Variants in DUSP10 observed in about 807,000 individuals in gnomAD.
DUSP10 encodes the protein dual specificity protein phosphatase 10.
DUSP10 carries 14 observed loss-of-function variants against 30.8 expected under a neutral mutation model. That is an observed-to-expected ratio of 0.46 (90% confidence interval 0.30 to 0.71). The LOEUF (loss-of-function observed/expected upper bound fraction) is 0.71. Ranked by LOEUF, DUSP10 falls within the 30% of genes least tolerant of loss-of-function variation. The pLI, the probability that DUSP10 is intolerant of heterozygous loss-of-function variation, is 0.08. For synonymous variants in DUSP10, 254 were observed against 250.4 expected, an observed-to-expected ratio of 1.01 and a Z score of -0.14; for missense variants, 550 against 619.4, an observed-to-expected ratio of 0.89 and a Z score of 1.19.
At chr1:221,723,343 C>A (rs1429133264) in intron 2 of DUSP10, among the ~76,000 whole-genome samples, 1 of 152,244 alleles carries the variant, frequency 6.6e-6, no homozygotes, top group Non-Finnish European at 1.5e-5. Flanking sequence ...GCAAGTTAAG[C>A]TGCAGCACTT....
At chr1:221,710,810 C>T (rs1177423986) in intron 2 of DUSP10, among the ~76,000 whole-genome samples, 3 of 152,180 alleles carry the variant, frequency 2.0e-5, no homozygotes, top group Admixed American at 6.5e-5. Flanking sequence ...GAAAATAAAA[C>T]TGTTCTTCCC....
intron 2 of DUSP10, among the ~76,000 whole-genome samples, chr1:221,727,931 T>C (rs1661471076): frequency 6.6e-6 from 1 of 152,300 alleles, no homozygotes; most frequent in Non-Finnish European, 1.5e-5. Flanking sequence ...AACTTAATTG[T>C]CACTGTAGCA....
At position 221,701,769 on chromosome 1, in the gene DUSP10, T is replaced by C. The variant is rs927108011; in HGVS notation, c.*643A>G. On this transcript the variant is annotated 3_prime_UTR_variant, in exon 4 of 4. Coordinates refer to ENST00000366899, the MANE Select transcript of DUSP10 (RefSeq NM_007207.6). ...AGAAGCCAGTGAAGGCATATAATGG[T>C]CAGTTCCTCACTATTTCAAAAAAAA... 2.0e-5 allele frequency: 3 copies of C among 151,772 alleles called. No individual in the cohort carries two copies. In the East Asian group the frequency reaches 5.8e-4, roughly 29 times the overall value. 9.4% of individuals were successfully genotyped at this position (151,772 alleles called of 1,614,324 possible). A position where few individuals can be genotyped will look rare whatever the true frequency, so the allele number is the denominator to read the frequency against.
intron 2 of DUSP10, chr1:221,737,354 T>C (rs1301766494): frequency 5.1e-6 from 5 of 985,296 alleles, no homozygotes; most frequent in Non-Finnish European, 6.0e-6. Context: ...AAATGGGAAA[T>C]TCCTCGGTAG....
At chr1:221,731,600 CTTTTTT>C (rs917122714) in intron 2 of DUSP10, among the ~76,000 whole-genome samples, 1 of 119,236 alleles carries the variant, frequency 8.4e-6, no homozygotes. Context: ...TAGGCTATTT[CTTTTTT>C]TTTTTTTTTT....
intron 2 of DUSP10, among the ~76,000 whole-genome samples, chr1:221,719,142 C>T (rs557438918): frequency 6.6e-6 from 1 of 152,272 alleles, no homozygotes; most frequent in East Asian, 1.9e-4. Context: ...AGAGCTCTGG[C>T]TTAGGGAATT....
intron 3 of DUSP10, among the ~76,000 whole-genome samples, chr1:221,705,586 A>G (rs886096462): frequency 3.3e-5 from 5 of 152,148 alleles, no homozygotes; most frequent in Non-Finnish European, 7.4e-5. Context: ...TTTGGGGCAG[A>G]CTGTCAAAGG....
intron 2 of DUSP10, among the ~76,000 whole-genome samples, chr1:221,717,400 T>G (rs887243124): frequency 2.0e-5 from 3 of 150,328 alleles, no homozygotes; most frequent in African/African-American, 7.4e-5. Context: ...TGTTCCAAAG[T>G]CCACAACAGG....
intron 2 of DUSP10, among the ~76,000 whole-genome samples, chr1:221,712,296 G>C (rs143541790): frequency 3.6e-4 from 55 of 152,306 alleles, no homozygotes; most frequent in African/African-American, 1.2e-3. Flanking sequence ...CTATCAAACA[G>C]AGGCAGAGAG....
intron 2 of DUSP10, among the ~76,000 whole-genome samples, chr1:221,715,390 T>G (rs896903459): frequency 1.3e-5 from 2 of 152,162 alleles, no homozygotes; most frequent in Non-Finnish European, 2.9e-5. Context: ...AGAATTGGTA[T>G]AGAAAAGAGC....
Position 221,734,910 on chromosome 1 carries a change from CCA to C in DUSP10, c.811+4022_811+4023del, listed in dbSNP as rs3841067. The stretch of plus-strand genomic sequence containing the variant: ...AAAGGGGAGACTTTTATTCCCTTCC[CCA>C]CCCCACCCCCGAAAAAAGGGCAGAA... On this transcript the variant is annotated intron_variant, in intron 2 of 3. Transcript: ENST00000366899. Among the ~76,000 whole-genome samples, 798 of 152,198 alleles carry C rather than the reference CCA, an allele frequency of 5.2e-3. 14 individuals carry two copies. In the East Asian group the frequency reaches 0.062, roughly 12 times the overall value.
At chr1:221,714,228 G>A (rs760267421) in intron 2 of DUSP10, among the ~76,000 whole-genome samples, 3 of 152,178 alleles carry the variant, frequency 2.0e-5, no homozygotes, top group Non-Finnish European at 4.4e-5. Flanking sequence ...TGGTATCATA[G>A]TGATACAGGA....
Position 221,702,150 on chromosome 1 carries a change from G to T in DUSP10, c.*262C>A. ...AAAGGAAAAGGGGGAGAAACAAGTT[G>T]TATTATATTTTTATTGTTGGCTTAA... On this transcript the variant is annotated 3_prime_UTR_variant, in exon 4 of 4. Coordinates refer to ENST00000366899, the MANE Select transcript of DUSP10 (RefSeq NM_007207.6). This position sits in a 1 kb window ranked among gnomAD's most constrained non-coding sequence, Gnocchi z 4.5. 1 of 442,108 alleles carries T rather than the reference G, an allele frequency of 2.3e-6. No homozygotes were observed. The highest frequency in any genetic ancestry group is 4.1e-6 in the Non-Finnish European group (1 of 246,306). The allele number at this position is 442,108 out of a possible 1,614,324, so 27.4% of individuals were successfully genotyped here. A position where few individuals can be genotyped will look rare whatever the true frequency, so the allele number is the denominator to read the frequency against.
intron 2 of DUSP10, among the ~76,000 whole-genome samples, chr1:221,708,340 A>T (rs1435427393): frequency 6.6e-6 from 1 of 152,206 alleles, no homozygotes; most frequent in African/African-American, 2.4e-5. Flanking sequence ...CACAGCGGGA[A>T]ACTCCAGACC....
At chr1:221,719,139 T>C (rs1429166261) in intron 2 of DUSP10, among the ~76,000 whole-genome samples, 1 of 152,250 alleles carries the variant, frequency 6.6e-6, no homozygotes, top group Non-Finnish European at 1.5e-5. Flanking sequence ...CAAAGAGCTC[T>C]GGCTTAGGGA....
rs566879682 is a variant in DUSP10 at position 221,717,303 on chromosome 1, G to C, written c.812-10837C>G. ...GGGCAAGAGGCGGGTGAGGAGAAGG[G>C]CTAGAGGGGAAGGAAGGGAGGCAGG... On this transcript the variant is annotated intron_variant, in intron 2 of 3. Transcript: ENST00000366899. Among the ~76,000 whole-genome samples, 5 of 152,244 alleles carry C rather than the reference G, an allele frequency of 3.3e-5. No individual in the cohort carries two copies. In the South Asian group the frequency reaches 1.0e-3, roughly 32 times the overall value.
intron 2 of DUSP10, among the ~76,000 whole-genome samples, chr1:221,720,638 A>G (rs1661255693): frequency 6.6e-6 from 1 of 152,132 alleles, no homozygotes; most frequent in African/African-American, 2.4e-5. Flanking sequence ...AAGTTGCAAG[A>G]CATTCTGCTA....
intron 2 of DUSP10, among the ~76,000 whole-genome samples, chr1:221,727,388 G>A (rs953421885): frequency 2.1e-4 from 32 of 152,170 alleles, no homozygotes; most frequent in African/African-American, 7.7e-4. Context: ...ACCCTAAACT[G>A]AGAGTTAGGA....
chr1:221,728,657 G>A (rs1156811748), intron 2 of DUSP10, among the ~76,000 whole-genome samples: 1 of 152,184 alleles, frequency 6.6e-6, no homozygotes, highest in Non-Finnish European at 1.5e-5. Context: ...CTACTTGAGG[G>A]AAAACAATCT....
Sources: allele counts gnomAD v4.1 joint callset (sites outside exome capture counted in the v4.1 genomes callset), GRCh38; gene constraint gnomAD v4.1.1; non-coding constraint Gnocchi (gnomAD v3.1); transcripts MANE v1.5; gene names NCBI Gene and HGNC (gene_info 2026-07-23, HGNC 2026-07-21).